SNX29: variants seen among roughly 807,000 people sequenced by gnomAD.
The protein encoded by SNX29 is sorting nexin-29.
SNX29 carries 78 observed loss-of-function variants against 102.1 expected under a neutral mutation model. The observed-to-expected ratio is 0.76, with a 90% CI of 0.64 to 0.92. The LOEUF (loss-of-function observed/expected upper bound fraction) is 0.92, where lower values mean the gene tolerates loss of function less well. Ranked by LOEUF, SNX29 falls within the 40% of genes least tolerant of loss-of-function variation. The pLI, the probability that SNX29 is intolerant of heterozygous loss-of-function variation, is 0.00. For missense variants in SNX29, 1,280 were observed against 1,061.7 expected (o/e 1.21, Z -2.86); for synonymous variants, 580 against 414.5 (o/e 1.40, Z -4.85).
chr16:12,542,522 G>A (rs1032647666), intron 20 of SNX29, among the ~76,000 whole-genome samples: 3 of 152,212 alleles, frequency 2.0e-5, no homozygotes, highest in Non-Finnish European at 4.4e-5. Context: ...AGGAGAGGCA[G>A]GGTTTCACCA....
chr16:12,539,195 T>C (rs888837968), intron 20 of SNX29, among the ~76,000 whole-genome samples: 1 of 152,210 alleles, frequency 6.6e-6, no homozygotes, highest in Non-Finnish European at 1.5e-5. Context: ...TGCATAGATT[T>C]GAGTAACCAC....
intron 14 of SNX29, among the ~76,000 whole-genome samples, chr16:12,207,972 TAA>T (rs1340296850): frequency 6.6e-6 from 1 of 152,170 alleles, no homozygotes; most frequent in African/African-American, 2.4e-5. Flanking sequence ...AGGTGCTTAA[TAA>T]AAATTTGTTA....
At chr16:12,223,879 G>A (rs1176821519) in intron 14 of SNX29, among the ~76,000 whole-genome samples, 1 of 152,138 alleles carries the variant, frequency 6.6e-6, no homozygotes, top group Admixed American at 6.5e-5. Flanking sequence ...TGGAATCCAC[G>A]CCACAGTACT....
intron 14 of SNX29, among the ~76,000 whole-genome samples, chr16:12,257,025 C>T (rs1214505602): frequency 6.6e-6 from 1 of 152,178 alleles, no homozygotes; most frequent in Admixed American, 6.5e-5. Flanking sequence ...TTTCAATGGG[C>T]TGAATGAGGT....
intron 19 of SNX29, among the ~76,000 whole-genome samples, chr16:12,484,386 C>T (rs1362382024): frequency 6.6e-6 from 1 of 152,182 alleles, no homozygotes; most frequent in Non-Finnish European, 1.5e-5. Context: ...GCCTTTTTCT[C>T]TTTTGCCTCC....
chr16:12,486,583 C>T (rs2088245377), intron 19 of SNX29, among the ~76,000 whole-genome samples: 1 of 152,366 alleles, frequency 6.6e-6, no homozygotes, highest in Non-Finnish European at 1.5e-5. Context: ...AGGTGATCTG[C>T]CTTCAGCCTC....
intron 14 of SNX29, among the ~76,000 whole-genome samples, chr16:12,215,267 G>A (rs924006041): frequency 1.1e-4 from 17 of 151,554 alleles, no homozygotes; most frequent in African/African-American, 3.9e-4. Context: ...GGCTGAGGTA[G>A]GAGGAGGGTT....
At chr16:12,288,801 A>G (rs2079693951) in intron 15 of SNX29, among the ~76,000 whole-genome samples, 1 of 152,036 alleles carries the variant, frequency 6.6e-6, no homozygotes, top group South Asian at 2.1e-4. Flanking sequence ...TGTTCTCTGC[A>G]TACCTACAGA....
At chr16:12,434,188 G>A (rs934430498) in intron 18 of SNX29, among the ~76,000 whole-genome samples, 1 of 152,182 alleles carries the variant, frequency 6.6e-6, no homozygotes, top group Non-Finnish European at 1.5e-5. Flanking sequence ...ACCTTTCTGG[G>A]CCTCAGTTTC....
intron 14 of SNX29, among the ~76,000 whole-genome samples, chr16:12,268,884 C>T (rs2079011176): frequency 6.6e-6 from 1 of 152,122 alleles, no homozygotes; most frequent in South Asian, 2.1e-4. Context: ...TCTCTGGTGC[C>T]TGCTAGCAAG....
intron 20 of SNX29, among the ~76,000 whole-genome samples, chr16:12,536,725 C>T (rs975555679): frequency 2.0e-5 from 3 of 152,178 alleles, no homozygotes; most frequent in African/African-American, 7.2e-5. Context: ...CGCCTGTAAT[C>T]TCAACACTTT....
chr16:12,020,687 C>T (rs1179805642), intron 3 of SNX29, among the ~76,000 whole-genome samples: 2 of 151,204 alleles, frequency 1.3e-5, no homozygotes, highest in Admixed American at 6.6e-5. Flanking sequence ...GCAGTGGTGC[C>T]ATCTCGGCTC....
chr16:12,217,872 G>C (rs1237051526), intron 14 of SNX29, among the ~76,000 whole-genome samples: 1 of 152,176 alleles, frequency 6.6e-6, no homozygotes, highest in African/African-American at 2.4e-5. Context: ...TAACTGCCTG[G>C]CTTACTGAAC....
chr16:12,032,589 G>T (rs140010608), intron 4 of SNX29, among the ~76,000 whole-genome samples: 7 of 152,032 alleles, frequency 4.6e-5, no homozygotes, highest in African/African-American at 1.7e-4. Flanking sequence ...TGACAGTTGG[G>T]TGTCTTCCAC....
chr16:12,039,805 A>G (rs2057576568), intron 4 of SNX29, among the ~76,000 whole-genome samples: 1 of 152,180 alleles, frequency 6.6e-6, no homozygotes, highest in Non-Finnish European at 1.5e-5. Context: ...CCTTTCTGCC[A>G]TACTGTTTAC....
intron 14 of SNX29, among the ~76,000 whole-genome samples, chr16:12,229,560 AT>A (rs1009031447): frequency 2.0e-5 from 3 of 148,986 alleles, no homozygotes; most frequent in Admixed American, 6.7e-5. Context: ...TCTTCCTACC[AT>A]TTTTCATCTT....
rs149692295 is a variant in SNX29, at chr16:12,573,482, A to T, written c.*4853A>T. 489 of 224,404 alleles carry T rather than the reference A, an allele frequency of 2.2e-3. 2 individuals carry two copies. The highest frequency in any genetic ancestry group is 0.01 in the African/African-American group (455 of 44,986). 13.9% of individuals were successfully genotyped at this position (224,404 alleles called of 1,614,324 possible). ...TAAGGAGCAGCGCTGCTGGCGGAAG[A>T]TTCTAGATTCACTGGTGGTTTAAGA... On this transcript the variant is annotated 3_prime_UTR_variant, in exon 21 of 21. Transcript: ENST00000566228.
intron 15 of SNX29, among the ~76,000 whole-genome samples, chr16:12,348,014 G>C (rs966738729): frequency 6.6e-5 from 10 of 152,062 alleles, no homozygotes; most frequent in Non-Finnish European, 1.2e-4. Context: ...AGGAGGTCGA[G>C]GCTGCATGAG....
At chr16:12,555,403 C>T (rs1386132332) in intron 20 of SNX29, among the ~76,000 whole-genome samples, 1 of 150,100 alleles carries the variant, frequency 6.7e-6, no homozygotes, top group Admixed American at 6.6e-5. Flanking sequence ...GTCTGCTGGG[C>T]TGCTGGCCCC....
Sources: gnomAD v4.1 joint callset for allele counts (sites outside exome capture counted in the v4.1 genomes callset) on GRCh38, gnomAD v4.1.1 for gene constraint, MANE v1.5 for transcripts, NCBI Gene and HGNC (gene_info 2026-07-23, HGNC 2026-07-21) for gene names.